The following R3HDM4 variants were observed in gnomAD, a reference collection of about 807,000 sequenced individuals.
R3HDM4 encodes the protein R3H domain containing 4.
R3HDM4 carries 30 observed loss-of-function variants against 31.3 expected under a neutral mutation model. The ratio of observed to expected loss-of-function variants is 0.96; its 90% confidence interval spans 0.72 to 1.30. The LOEUF (loss-of-function observed/expected upper bound fraction) is 1.30. Among genes scored for constraint, R3HDM4 ranks in the 50% most tolerant of loss-of-function variants. The pLI, the probability that R3HDM4 is intolerant of heterozygous loss-of-function variation, is 0.00. For synonymous variants in R3HDM4, 196 were observed against 156.6 expected, an observed-to-expected ratio of 1.25 and a Z score of -1.88; for missense variants, 444 against 366.1, an observed-to-expected ratio of 1.21 and a Z score of -1.74.
At chr19:901,832 TC>T (rs1284665178) in intron 2 of R3HDM4, 143 bp downstream of exon 2, 3 of 1,044,744 alleles carry the variant, frequency 2.9e-6, no homozygotes, top group East Asian at 2.5e-5. Flanking sequence ...ATTTATATGG[TC>T]CCCCGGCCTA....
intron 1 of R3HDM4, among the ~76,000 whole-genome samples, chr19:905,736 A>C (rs953761589): frequency 2.6e-5 from 4 of 151,938 alleles, no homozygotes; most frequent in African/African-American, 9.7e-5. Context: ...GGCTGCCTGA[A>C]GCAGGAAGGG....
Position 899,650 on chromosome 19 carries a change from AC to A in R3HDM4, c.597del (p.Phe200SerfsTer14), listed in dbSNP as rs1232796938. On this transcript the variant is annotated frameshift_variant, in exon 6 of 8. Transcript: ENST00000361574. LOFTEE classifies it high-confidence loss of function. The surrounding 1 kb of genome is among the most constrained non-coding windows in gnomAD (Gnocchi z 6.8). ...TLETWEERLLRFFSVSPQAVY... is the reference protein window; with the variant it reads ...TLETWEERLLXFFSVSPQAVY... ...ACGGCCTGGGGGGACACGGAGAAGA[AC>A]CGAAGCAGCCGCTCCTCCCAGGTCT... 6.2e-7 allele frequency: 1 copy of A among 1,604,934 alleles called. No individual in the cohort carries two copies. Among genetic ancestry groups the A allele is most frequent in the Non-Finnish European group, 8.5e-7 (1 of 1,175,966 alleles).
At chr19:900,363 A>C in intron 4 of R3HDM4, among the ~76,000 whole-genome samples, 1 of 149,256 alleles carries the variant, frequency 6.7e-6, no homozygotes, top group East Asian at 2.0e-4. Context: ...CCCTACCCTC[A>C]CCTGTATGTT....
intron 1 of R3HDM4, among the ~76,000 whole-genome samples, chr19:905,642 G>C (rs1016404940): frequency 2.7e-5 from 4 of 146,594 alleles, no homozygotes; most frequent in African/African-American, 1.0e-4. Flanking sequence ...CCAAGATCGC[G>C]CCACTGCACT....
At chr19:898,362 G>C (rs2036771400) in intron 7 of R3HDM4, among the ~76,000 whole-genome samples, 1 of 140,848 alleles carries the variant, frequency 7.1e-6, no homozygotes, top group Non-Finnish European at 1.5e-5. Context: ...CTGAGATCGC[G>C]CCACTGCACT....
At position 907,778 on chromosome 19, in the gene R3HDM4, C is replaced by T. The variant is rs1431110277; in HGVS notation, c.71+5309G>A. Among the ~76,000 whole-genome samples, 2 of 152,176 alleles carry T rather than the reference C, an allele frequency of 1.3e-5. No homozygotes were observed. The highest frequency in any genetic ancestry group is 2.9e-5 in the Non-Finnish European group (2 of 68,020). ...TCCCCCTTGGCCTAGCACTGCAACA[C>T]GAGGGCTTTCGCCTGTTTTGTTTGG... On this transcript the variant is annotated intron_variant, in intron 1 of 7. Transcript: ENST00000361574. This position sits in a 1 kb window ranked among gnomAD's most constrained non-coding sequence, Gnocchi z 4.1.
Position 913,045 on chromosome 19 carries a change from C to CA in R3HDM4, c.71+41_71+42insT, listed in dbSNP as rs1165732712. ...GAGGATCTCAGGGGAGGGAGCCCAG[C>CA]CCGCCCCCGGCGCCCGCCGCGCCCC... On this transcript the variant is annotated intron_variant, in intron 1 of 7. Coordinates refer to ENST00000361574, the MANE Select transcript of R3HDM4 (RefSeq NM_138774.4). This position sits in a 1 kb window ranked among gnomAD's most constrained non-coding sequence, Gnocchi z 5.0. 7 of 780,212 alleles carry CA rather than the reference C, an allele frequency of 9.0e-6. No individual in the cohort carries two copies. The highest frequency in any genetic ancestry group is 1.2e-4 in the South Asian group (2 of 17,216). 48.3% of individuals were successfully genotyped at this position (780,212 alleles called of 1,614,324 possible).
rs1252158877 is a variant in R3HDM4, at chr19:904,466, G to A, written c.72-2336C>T. Among the ~76,000 whole-genome samples, 13 of 152,120 alleles carry A rather than the reference G, an allele frequency of 8.5e-5. 1 individual carries two copies. The highest frequency in any genetic ancestry group is 1.9e-4 in the Non-Finnish European group (13 of 68,018). On this transcript the variant is annotated intron_variant, in intron 1 of 7. Transcript: ENST00000361574. ...AGAGTTCCCAACACAAAAATTAAAA[G>A]CAACCCACTCCACCCCTGCAACCCC...
At chr19:903,234 C>G (rs1259308302) in intron 1 of R3HDM4, among the ~76,000 whole-genome samples, 4 of 150,114 alleles carry the variant, frequency 2.7e-5, no homozygotes, top group African/African-American at 7.5e-5. Context: ...CTCAGCCCCC[C>G]CCGCAAACCC....
intron 1 of R3HDM4, 119 bp from the exon 2 acceptor site, chr19:902,249 G>T: frequency 1.9e-6 from 2 of 1,046,400 alleles, no homozygotes; most frequent in South Asian, 1.4e-5. Flanking sequence ...CACCCCTACG[G>T]TGTGTGAAGT....
At chr19:911,691 G>A (rs1327671993) in intron 1 of R3HDM4, among the ~76,000 whole-genome samples, 3 of 152,094 alleles carry the variant, frequency 2.0e-5, no homozygotes, top group Non-Finnish European at 4.4e-5. Context: ...CCGCCTCCTC[G>A]CCCTCCACCA....
At chr19:911,911 G>A (rs1225646220) in intron 1 of R3HDM4, among the ~76,000 whole-genome samples, 2 of 151,874 alleles carry the variant, frequency 1.3e-5, no homozygotes, top group Middle Eastern at 3.4e-3. Flanking sequence ...CAGGGGGCGC[G>A]GACAAGCCCA....
chr19:905,254 A>G (rs1333100617), intron 1 of R3HDM4, among the ~76,000 whole-genome samples: 1 of 151,756 alleles, frequency 6.6e-6, no homozygotes, highest in African/African-American at 2.4e-5. Flanking sequence ...CTGTAATCCC[A>G]ACACTTTGGG....
At chr19:912,055 G>A (rs1032228284) in intron 1 of R3HDM4, among the ~76,000 whole-genome samples, 1 of 143,076 alleles carries the variant, frequency 7.0e-6, no homozygotes, top group Non-Finnish European at 1.5e-5. Context: ...GGGGCCCGGG[G>A]AGTGGGGGGG....
rs2036831238 is a variant in R3HDM4 at position 901,139 on chromosome 19, G to T, written c.352-187C>A. The T allele has an allele frequency of 7.7e-6, 6 of 776,086 alleles. No homozygotes were observed. In the Middle Eastern group the frequency reaches 1.5e-3, roughly 198 times the overall value. 48.1% of individuals were successfully genotyped at this position (776,086 alleles called of 1,614,324 possible). Reference sequence around the variant, plus strand: ...GCAGGGAAGCGGGGAACCGGGGTGGGCCCAGCTGTCTCGGGGTGGGGGGGA... The same window carrying T: ...GCAGGGAAGCGGGGAACCGGGGTGGTCCCAGCTGTCTCGGGGTGGGGGGGA... On this transcript the variant is annotated intron_variant, in intron 3 of 7. Coordinates refer to ENST00000361574, the MANE Select transcript of R3HDM4 (RefSeq NM_138774.4).
intron 2 of R3HDM4, 99 bp downstream of exon 2, chr19:901,877 C>T: frequency 6.8e-7 from 1 of 1,471,920 alleles, no homozygotes; most frequent in South Asian, 1.2e-5. Flanking sequence ...CAGCCCCACC[C>T]AGGCACAGCT....
At chr19:901,363 G>A (rs1413498891) in intron 3 of R3HDM4, 59 bp downstream of exon 3, 16 of 1,555,338 alleles carry the variant, frequency 1.0e-5, no homozygotes, top group Non-Finnish European at 2.6e-6. Flanking sequence ...CGATGGCCTG[G>A]CCGTAGGAGA....
intron 4 of R3HDM4, 114 bp downstream of exon 4, chr19:900,715 G>A (rs189496166): frequency 0.066 from 15,295 of 230,162 alleles, 2,378 homozygotes; most frequent in Admixed American, 0.1. Context: ...CCCACTCCAG[G>A]TCCCGCCCAC....
chr19:899,022 AG>A lies in R3HDM4; in HGVS notation c.703+417del, dbSNP rs564621449. On this transcript the variant is annotated intron_variant, in intron 7 of 7. Coordinates refer to ENST00000361574, the MANE Select transcript of R3HDM4 (RefSeq NM_138774.4). The surrounding 1 kb of genome is among the most constrained non-coding windows in gnomAD (Gnocchi z 6.8). ...GCGCCCCGTTGGAAAAGTGGAGCGC[AG>A]GGGCCAGTAGGGGGTCTCGCCTGAG... 3.3e-5 allele frequency among the ~76,000 whole-genome samples: 5 copies of A among 152,218 alleles called. No individual in the cohort carries two copies. In the South Asian group the frequency reaches 6.2e-4, roughly 19 times the overall value.
Sources: allele counts gnomAD v4.1 joint callset (sites outside exome capture counted in the v4.1 genomes callset), GRCh38; gene constraint gnomAD v4.1.1; non-coding constraint Gnocchi (gnomAD v3.1); transcripts MANE v1.5; gene names NCBI Gene and HGNC (gene_info 2026-07-23, HGNC 2026-07-21).